The following EDARADD variants were observed in gnomAD, a reference collection of about 807,000 sequenced individuals.
EDARADD encodes EDAR associated via death domain, also known as ectodysplasin-A receptor-associated adapter protein.
A neutral mutation model predicts 25.6 loss-of-function variants in EDARADD; 20 were observed. That is an observed-to-expected ratio of 0.78 (90% CI 0.55 to 1.14). The LOEUF is 1.14. Among genes scored for constraint, EDARADD ranks in the 50% most tolerant of loss-of-function variants. The pLI, the probability that EDARADD is intolerant of heterozygous loss-of-function variation, is 0.00. For synonymous variants in EDARADD, 86 were observed against 94.4 expected (o/e 0.91, Z 0.52); for missense variants, 225 against 270.1 (o/e 0.83, Z 1.17).
chr1:236,428,825 C>G (rs2103016908), intron 4 of EDARADD, among the ~76,000 whole-genome samples: 1 of 152,094 alleles, frequency 6.6e-6, no homozygotes, highest in East Asian at 1.9e-4. Flanking sequence ...GATCACGCCA[C>G]TGCACTCCAG....
chr1:236,473,301 A>G (rs1659404800), intron 5 of EDARADD, among the ~76,000 whole-genome samples: 1 of 152,008 alleles, frequency 6.6e-6, no homozygotes, highest in East Asian at 2.0e-4. Context: ...CGAGACCCAA[A>G]CAATGCAAAG....
intron 4 of EDARADD, among the ~76,000 whole-genome samples, chr1:236,467,610 C>T (rs542524458): frequency 8.6e-5 from 13 of 151,916 alleles, no homozygotes; most frequent in African/African-American, 2.9e-4. Flanking sequence ...AGCTGCTTTG[C>T]GATATATACT....
At chr1:236,448,211 A>T (rs1658617644) in intron 4 of EDARADD, among the ~76,000 whole-genome samples, 1 of 152,126 alleles carries the variant, frequency 6.6e-6, no homozygotes, top group Non-Finnish European at 1.5e-5. Context: ...CCTGGGGTAG[A>T]CTCCAAGCAT....
At chr1:236,385,777 T>C (rs1667345642) in intron 3 of EDARADD, among the ~76,000 whole-genome samples, 1 of 152,080 alleles carries the variant, frequency 6.6e-6, no homozygotes, top group Non-Finnish European at 1.5e-5. Context: ...GATTCTCTTG[T>C]ATTCTCTCTT....
chr1:236,447,661 A>T (rs1200865551), intron 4 of EDARADD, among the ~76,000 whole-genome samples: 1 of 152,152 alleles, frequency 6.6e-6, no homozygotes, highest in Non-Finnish European at 1.5e-5. Flanking sequence ...ATTAGGCAGT[A>T]ATGAGAATCC....
At chr1:236,366,510 A>T (rs964274441) in intron 3 of EDARADD, among the ~76,000 whole-genome samples, 5 of 150,230 alleles carry the variant, frequency 3.3e-5, no homozygotes, top group African/African-American at 1.2e-4. Context: ...CACACTTGTG[A>T]TGATTAGCAC....
chr1:236,450,286 T>A (rs1347083433), intron 4 of EDARADD, among the ~76,000 whole-genome samples: 1 of 149,652 alleles, frequency 6.7e-6, no homozygotes, highest in African/African-American at 2.5e-5. Flanking sequence ...AGAGGAAGAC[T>A]CTGTCTCTAA....
In EDARADD at chr1:236,415,538, C is replaced by T. The variant is rs140959325; in HGVS notation, c.160+1239C>T. Among the ~76,000 whole-genome samples the T allele has an allele frequency of 5.4e-3, 823 of 152,214 alleles. 8 individuals are homozygous for T. The highest frequency in any genetic ancestry group is 0.019 in the African/African-American group (790 of 41,518). On this transcript the variant is annotated intron_variant, in intron 3 of 5. Transcript: ENST00000334232. Reference sequence around the variant, plus strand: ...TTGGCTCACTGCAACCTCTGCCTCCCGGGTTCAAGCGATTCTCCTCCCTCA... The same window carrying T: ...TTGGCTCACTGCAACCTCTGCCTCCTGGGTTCAAGCGATTCTCCTCCCTCA...
intron 4 of EDARADD, among the ~76,000 whole-genome samples, chr1:236,449,684 C>T (rs1658656579): frequency 6.6e-6 from 1 of 152,228 alleles, no homozygotes; most frequent in African/African-American, 2.4e-5. Context: ...TGCTTACCTA[C>T]CCTTTGCTAA....
intron 5 of EDARADD, among the ~76,000 whole-genome samples, chr1:236,481,035 A>G (rs766161373): frequency 6.6e-6 from 1 of 151,968 alleles, no homozygotes; most frequent in Non-Finnish European, 1.5e-5. Context: ...AAACACAGGT[A>G]AAGGCAGAGG....
At chr1:236,446,123 A>G (rs1401902302) in intron 4 of EDARADD, among the ~76,000 whole-genome samples, 1 of 152,208 alleles carries the variant, frequency 6.6e-6, no homozygotes, top group African/African-American at 2.4e-5. Flanking sequence ...AGAGCGGGCC[A>G]TCTTCCTACT....
In EDARADD at chr1:236,483,176, C is replaced by G. The variant is rs751900812; in HGVS notation, c.*527C>G. The G allele has an allele frequency of 9.0e-6, 14 of 1,562,000 alleles. No individual in the cohort carries two copies. The highest frequency in any genetic ancestry group is 1.4e-5 in the African/African-American group (1 of 73,892). On this transcript the variant is annotated 3_prime_UTR_variant, in exon 6 of 6. Transcript: ENST00000334232. ...GCTAGAAATTCACCATGTCTATTCT[C>G]AAGATCCATGCCAGGGAGCTCTTTG...
chr1:236,383,301 G>A (rs1017543544), intron 3 of EDARADD, among the ~76,000 whole-genome samples: 4 of 150,970 alleles, frequency 2.6e-5, no homozygotes, highest in Admixed American at 6.6e-5. Flanking sequence ...AGGCTGAGGC[G>A]AGAGAATCAC....
In EDARADD at chr1:236,395,357, C is replaced by T; in HGVS notation, c.61+852C>T. The stretch of plus-strand genomic sequence containing the variant: ...CCAGCCCCGGGTCGCGGCACCCCGG[C>T]TCCCGCCCCGCGCCTCTGGAGGGAG... On this transcript the variant is annotated intron_variant, in intron 1 of 5. Transcript: ENST00000334232. This position sits in a 1 kb window ranked among gnomAD's most constrained non-coding sequence, Gnocchi z 6.9. 7.5e-7 allele frequency: 1 copy of T among 1,339,368 alleles called. No individual in the cohort carries two copies. Among genetic ancestry groups the T allele is most frequent in the Non-Finnish European group, 9.6e-7 (1 of 1,044,424 alleles). 83.0% of individuals were successfully genotyped at this position (1,339,368 alleles called of 1,614,324 possible). A position where few individuals can be genotyped will look rare whatever the true frequency, so the allele number is the denominator to read the frequency against.
chr1:236,424,820 T>A (rs909730088), intron 3 of EDARADD, among the ~76,000 whole-genome samples: 1 of 152,140 alleles, frequency 6.6e-6, no homozygotes, highest in Non-Finnish European at 1.5e-5. Context: ...AACCCAGAGG[T>A]GGAGGGACTC....
intron 3 of EDARADD, among the ~76,000 whole-genome samples, chr1:236,416,404 C>T (rs1337869152): frequency 6.6e-6 from 1 of 152,314 alleles, no homozygotes; most frequent in African/African-American, 2.4e-5. Flanking sequence ...CATTGAATGT[C>T]GTGGTGCCAT....
intron 3 of EDARADD, among the ~76,000 whole-genome samples, chr1:236,424,154 CTTTTTTTTTTTT>C (rs34454343): frequency 8.1e-5 from 6 of 74,400 alleles, no homozygotes; most frequent in South Asian, 6.5e-4. Context: ...TGTGAAGCAT[CTTTTTTTTTTTT>C]TTTTTTTTTT....
intron 3 of EDARADD, among the ~76,000 whole-genome samples, chr1:236,377,911 A>G (rs965926826): frequency 9.9e-5 from 15 of 152,074 alleles, no homozygotes; most frequent in African/African-American, 3.1e-4. Flanking sequence ...GCCTTTTAGT[A>G]TGTCTTATAA....
intron 1 of EDARADD, among the ~76,000 whole-genome samples, chr1:236,402,487 G>A (rs565553122): frequency 6.6e-6 from 1 of 152,308 alleles, no homozygotes; most frequent in African/African-American, 2.4e-5. Flanking sequence ...AGCCCAGGAG[G>A]TGGAGGCTGC....
Sources: allele counts gnomAD v4.1 joint callset (sites outside exome capture counted in the v4.1 genomes callset), GRCh38; gene constraint gnomAD v4.1.1; non-coding constraint Gnocchi (gnomAD v3.1); transcripts MANE v1.5; gene names NCBI Gene and HGNC (gene_info 2026-07-23, HGNC 2026-07-21).